The following NIPBL variants were observed in gnomAD, a reference collection of about 807,000 sequenced individuals.
NIPBL encodes nipped-B-like protein.
A neutral mutation model predicts 321.8 loss-of-function variants in NIPBL; 19 were observed. The ratio of observed to expected loss-of-function variants is 0.06; its 90% CI spans 0.04 to 0.09. The LOEUF (loss-of-function observed/expected upper bound fraction) is 0.09, where lower values mean the gene tolerates loss of function less well. Among genes scored for constraint, NIPBL ranks in the 10% least tolerant of loss-of-function variants. The pLI is 1.00. For missense variants in NIPBL, 2,210 were observed against 3,327.0 expected, an observed-to-expected ratio of 0.66 and a Z score of 8.26; for synonymous variants, 1,106 against 1,114.1, an observed-to-expected ratio of 0.99 and a Z score of 0.14.
chr5:36,973,346 T>A (rs574035527), intron 8 of NIPBL, among the ~76,000 whole-genome samples: 14 of 152,170 alleles, frequency 9.2e-5, no homozygotes, highest in South Asian at 8.3e-4. Context: ...AAAAATTTTT[T>A]AAAAATTTTA....
intron 22 of NIPBL, 65 bp from the exon 23 acceptor site, chr5:37,015,973 G>A (rs776094934): frequency 5.2e-6 from 8 of 1,525,962 alleles, no homozygotes; most frequent in Non-Finnish European, 7.3e-6. Context: ...CAATCATGTT[G>A]GTAGACAGAT....
chr5:36,983,521 A>G (rs1464982033), intron 9 of NIPBL, among the ~76,000 whole-genome samples: 3 of 151,982 alleles, frequency 2.0e-5, no homozygotes, highest in African/African-American at 7.2e-5. Context: ...TTGTGATACC[A>G]TCTTCCTTAT....
chr5:36,997,493 A>T (rs1212735642), intron 11 of NIPBL, among the ~76,000 whole-genome samples: 2 of 152,148 alleles, frequency 1.3e-5, no homozygotes, highest in African/African-American at 4.8e-5. Flanking sequence ...TCTATCATGA[A>T]AGCTATTGTC....
chr5:36,938,491 G>T (rs946302969), intron 1 of NIPBL, among the ~76,000 whole-genome samples: 16 of 152,038 alleles, frequency 1.1e-4, no homozygotes, highest in African/African-American at 3.9e-4. Context: ...GTAATTTTTT[G>T]AGTTTGAAAT....
intron 6 of NIPBL, among the ~76,000 whole-genome samples, chr5:36,962,700 G>A (rs1350816049): frequency 2.0e-5 from 3 of 151,650 alleles, no homozygotes; most frequent in Non-Finnish European, 4.4e-5. Flanking sequence ...AAAATATTTG[G>A]AAAAAAAATT....
intron 9 of NIPBL, among the ~76,000 whole-genome samples, chr5:36,978,501 T>G (rs958912732): frequency 3.9e-5 from 6 of 152,018 alleles, no homozygotes; most frequent in Non-Finnish European, 8.8e-5. Context: ...CTTTGTTGGA[T>G]GCATAGTTTG....
chr5:36,951,420 G>A (rs1740275884), intron 1 of NIPBL, among the ~76,000 whole-genome samples: 1 of 152,118 alleles, frequency 6.6e-6, no homozygotes, highest in Non-Finnish European at 1.5e-5. Flanking sequence ...ATATGGCAGT[G>A]TACGTGTACA....
intron 9 of NIPBL, among the ~76,000 whole-genome samples, chr5:36,977,286 ATATTT>A (rs1400609631): frequency 1.3e-5 from 2 of 151,958 alleles, no homozygotes; most frequent in African/African-American, 4.8e-5. Context: ...TTCAGTTCTT[ATATTT>A]TATTTCTTGG....
At chr5:37,024,493 G>C (rs116198732) in intron 29 of NIPBL, 92 bp from the exon 30 acceptor site, 42,534 of 1,040,034 alleles carry the variant, frequency 0.041, 1,029 homozygotes, top group Non-Finnish European at 0.049. Flanking sequence ...TTAACAAATA[G>C]TGAATATACT....
At chr5:37,033,560 T>TA (rs35536025) in intron 32 of NIPBL, among the ~76,000 whole-genome samples, 82,532 of 144,428 alleles carry the variant, frequency 0.57, 25,402 homozygotes, top group African/African-American at 0.83. Flanking sequence ...CCATAAGAAT[T>TA]AAAAAAAAAA....
chr5:36,980,482 G>T (rs1338924082), intron 9 of NIPBL, among the ~76,000 whole-genome samples: 2 of 151,518 alleles, frequency 1.3e-5, no homozygotes, highest in African/African-American at 4.8e-5. Flanking sequence ...ATATACAATG[G>T]TGGTCCCATA....
At chr5:36,901,275 T>G (rs1440883269) in intron 1 of NIPBL, among the ~76,000 whole-genome samples, 1 of 152,166 alleles carries the variant, frequency 6.6e-6, no homozygotes, top group Non-Finnish European at 1.5e-5. Context: ...AGGACATGAT[T>G]TCATCCTTTT....
At position 36,953,894 on chromosome 5, in the gene NIPBL, GA is replaced by G. The variant is rs923888273; in HGVS notation, c.64+144del. 1,005 of 671,042 alleles carry G rather than the reference GA, an allele frequency of 1.5e-3. 4 individuals carry two copies. The highest frequency in any genetic ancestry group is 6.6e-3 in the African/African-American group (353 of 53,630). The allele number at this position is 671,042 out of a possible 1,614,324, so 41.6% of individuals were successfully genotyped here. On this transcript the variant is annotated intron_variant, in intron 2 of 46. Coordinates refer to ENST00000282516, the MANE Select transcript of NIPBL (RefSeq NM_133433.4). ...ATAGCAACTGAAACTGCCCTTTAAA[GA>G]AAAAAAAAATTGATAGCCTAATTTA...
intron 1 of NIPBL, among the ~76,000 whole-genome samples, chr5:36,933,862 T>C (rs1749965247): frequency 1.3e-5 from 2 of 152,088 alleles, no homozygotes; most frequent in Admixed American, 1.3e-4. Flanking sequence ...TTCCCAAGGA[T>C]TTTTACATTT....
intron 1 of NIPBL, among the ~76,000 whole-genome samples, chr5:36,906,076 G>C (rs1332873094): frequency 6.6e-6 from 1 of 152,076 alleles, no homozygotes; most frequent in African/African-American, 2.4e-5. Context: ...AGGAAAAACA[G>C]ACATGCCTTA....
chr5:37,002,850 T>G, intron 15 of NIPBL, 85 bp downstream of exon 15: 1 of 817,416 alleles, frequency 1.2e-6, no homozygotes, highest in Non-Finnish European at 2.0e-6. Context: ...ATTATAAAAT[T>G]TATGTAAAGT....
chr5:36,903,423 C>G (rs1014782269), intron 1 of NIPBL, among the ~76,000 whole-genome samples: 2 of 152,090 alleles, frequency 1.3e-5, no homozygotes, highest in East Asian at 1.9e-4. Flanking sequence ...ATGGCTCTTA[C>G]TATTTTGCCC....
At chr5:37,041,715 C>T (rs1561200901) in intron 34 of NIPBL, among the ~76,000 whole-genome samples, 1 of 152,060 alleles carries the variant, frequency 6.6e-6, no homozygotes, top group Non-Finnish European at 1.5e-5. Flanking sequence ...CAGGTGTGCA[C>T]CACCACACCC....
rs1747917302 is a variant in NIPBL, at chr5:37,010,005, T to C, written c.4422-82T>C. 2.8e-6 allele frequency: 3 copies of C among 1,057,940 alleles called. No individual in the cohort carries two copies. In the Admixed American group the frequency reaches 5.4e-5, roughly 19 times the overall value. 65.5% of individuals were successfully genotyped at this position (1,057,940 alleles called of 1,614,324 possible). On this transcript the variant is annotated intron_variant, in intron 20 of 46. Transcript: ENST00000282516. The stretch of plus-strand genomic sequence containing the variant: ...TGCCTAGAAATATTGGCAAACACAG[T>C]ATCGTGAAACTTTCAGACAATAGAT...
Sources: allele counts gnomAD v4.1 joint callset (sites outside exome capture counted in the v4.1 genomes callset), GRCh38; gene constraint gnomAD v4.1.1; transcripts MANE v1.5; gene names NCBI Gene and HGNC (gene_info 2026-07-23, HGNC 2026-07-21).